BDH1: variants seen among roughly 807,000 people sequenced by gnomAD.
The protein encoded by BDH1 is D-beta-hydroxybutyrate dehydrogenase, mitochondrial.
In BDH1, 30 loss-of-function variants were observed where a neutral mutation model predicts 33.1. That is an observed-to-expected ratio of 0.91 (90% CI 0.68 to 1.23). The LOEUF (loss-of-function observed/expected upper bound fraction) is 1.23. BDH1 is among the 50% of genes most tolerant of loss of function. The pLI, the probability that BDH1 is intolerant of heterozygous loss-of-function variation, is 0.00. For synonymous variants in BDH1, 190 were observed against 183.6 expected (o/e 1.03, Z -0.28); for missense variants, 443 against 464.4 (o/e 0.95, Z 0.42).
Position 197,514,389 on chromosome 3 carries a change from C to T in BDH1, c.437G>A (p.Gly146Asp). 1 of 1,611,538 alleles carries T rather than the reference C, an allele frequency of 6.2e-7. No individual in the cohort carries two copies. The highest frequency in any genetic ancestry group is 8.5e-7 in the Non-Finnish European group (1 of 1,178,684). Reference sequence around the variant, plus strand: ...CTCCACCTCCCCGAACGTTGAGATGCCGGCATTGTTAACGAGGCCCCACAT... The same window carrying T: ...CTCCACCTCCCCGAACGTTGAGATGTCGGCATTGTTAACGAGGCCCCACAT... ...KGMWGLVNNA[G>D]ISTFGEVEFT... is the part of the protein sequence containing the mutation. The change falls in exon 7 of 8, where the codon GGC becomes GAC. Residue 146 changes from glycine (G) to aspartate (D), a missense_variant. Coordinates refer to ENST00000392379, the MANE Select transcript of BDH1 (RefSeq NM_203314.3). The surrounding 1 kb of genome is among the most constrained non-coding windows in gnomAD (Gnocchi z 4.2).
In BDH1 at chr3:197,514,924, T is replaced by G. The variant is rs1040671846; in HGVS notation, c.410-508A>C. On this transcript the variant is annotated intron_variant, in intron 6 of 7. Coordinates refer to ENST00000392379, the MANE Select transcript of BDH1 (RefSeq NM_203314.3). This position sits in a 1 kb window ranked among gnomAD's most constrained non-coding sequence, Gnocchi z 4.2. Reference sequence around the variant, plus strand: ...TGCAGGGACCTCTCTGAGTTCAGTTTGTTGGGGTGCAAAGGCTGGATGGGT... The same window carrying G: ...TGCAGGGACCTCTCTGAGTTCAGTTGGTTGGGGTGCAAAGGCTGGATGGGT... 1.3e-5 allele frequency among the ~76,000 whole-genome samples: 2 copies of G among 152,176 alleles called. No individual in the cohort carries two copies. Among genetic ancestry groups the G allele is most frequent in the African/African-American group, 4.8e-5 (2 of 41,436 alleles).
rs1714116196 is a variant in BDH1, at chr3:197,526,559, C to T, written c.268-3778G>A. On this transcript the variant is annotated intron_variant, in intron 5 of 7. Coordinates refer to ENST00000392379, the MANE Select transcript of BDH1 (RefSeq NM_203314.3). The surrounding 1 kb of genome is among the most constrained non-coding windows in gnomAD (Gnocchi z 4.7). ...GGGCAGCGTGCCTCCCCCAGCCGGGCATCTGCTCCCTCAGCCCCTGGCCTC... is the reference window on the plus strand; with the variant it reads ...GGGCAGCGTGCCTCCCCCAGCCGGGTATCTGCTCCCTCAGCCCCTGGCCTC... 1.3e-5 allele frequency among the ~76,000 whole-genome samples: 2 copies of T among 152,206 alleles called. No homozygotes were observed. Among genetic ancestry groups the T allele is most frequent in the Non-Finnish European group, 2.9e-5 (2 of 68,028 alleles).
intron 1 of BDH1, among the ~76,000 whole-genome samples, chr3:197,567,629 T>G (rs921938290): frequency 6.6e-6 from 1 of 152,172 alleles, no homozygotes; most frequent in Non-Finnish European, 1.5e-5. Context: ...TCAGGACCGC[T>G]TGAGGCAGTG....
intron 5 of BDH1, chr3:197,529,203 A>G (rs1437666948): frequency 6.6e-6 from 1 of 152,208 alleles, no homozygotes; most frequent in Admixed American, 6.5e-5. Flanking sequence ...CACCTTTGCA[A>G]CTTGCACTTT....
intron 3 of BDH1, among the ~76,000 whole-genome samples, chr3:197,544,311 C>T (rs1426407808): frequency 6.6e-6 from 1 of 152,222 alleles, no homozygotes; most frequent in African/African-American, 2.4e-5. Flanking sequence ...AGTTACTTCT[C>T]AGTCCATCCA....
In BDH1 at chr3:197,520,976, C is replaced by T. The variant is rs1274765634; in HGVS notation, c.409+1664G>A. On this transcript the variant is annotated intron_variant, in intron 6 of 7. Transcript: ENST00000392379. The surrounding 1 kb of genome is among the most constrained non-coding windows in gnomAD (Gnocchi z 6.0). ...GGCACATCAGAGACAGGCAGAGGAG[C>T]GGCATCACCGACAGCCACACACGCA... Among the ~76,000 whole-genome samples the T allele has an allele frequency of 6.6e-6, 1 of 152,020 alleles. No individual in the cohort carries two copies. The highest frequency in any genetic ancestry group is 1.5e-5 in the Non-Finnish European group (1 of 67,988).
intron 1 of BDH1, among the ~76,000 whole-genome samples, chr3:197,562,912 G>C (rs766998101): frequency 7.9e-5 from 12 of 152,148 alleles, no homozygotes; most frequent in Non-Finnish European, 1.8e-4. Context: ...TGAGGAAAAA[G>C]AGCCCTAAGG....
intron 1 of BDH1, among the ~76,000 whole-genome samples, chr3:197,571,112 G>A (rs146156880): frequency 6.6e-6 from 1 of 152,308 alleles, no homozygotes; most frequent in South Asian, 2.1e-4. Flanking sequence ...GCTGGATTTT[G>A]GACTTTCATG....
intron 1 of BDH1, among the ~76,000 whole-genome samples, chr3:197,572,619 C>T (rs1158295056): frequency 3.3e-5 from 5 of 152,190 alleles, no homozygotes; most frequent in Non-Finnish European, 5.9e-5. Context: ...TGACTATAGT[C>T]CCAGCTACTC....
At position 197,510,224 on chromosome 3, in the gene BDH1, C is replaced by G. The variant is rs1225389270; in HGVS notation, c.*1671G>C. ...GCTTCTTTGTTCCCGGTTTCCGAAG[C>G]GCGAATCCCGAACGCCGTGAGAAAC... is the stretch of plus-strand genomic sequence containing the variant. On this transcript the variant is annotated 3_prime_UTR_variant, in exon 8 of 8. Transcript: ENST00000392379. 2 of 152,310 alleles carry G rather than the reference C, an allele frequency of 1.3e-5. No homozygotes were observed. The highest frequency in any genetic ancestry group is 3.8e-4 in the East Asian group (2 of 5,200). The allele number at this position is 152,310 out of a possible 1,614,324, so 9.4% of individuals were successfully genotyped here.
intron 1 of BDH1, among the ~76,000 whole-genome samples, chr3:197,567,473 A>C (rs546675410): frequency 6.6e-6 from 1 of 152,168 alleles, no homozygotes; most frequent in Non-Finnish European, 1.5e-5. Context: ...GTGACCTGGA[A>C]GCCCCCTCCC....
intron 2 of BDH1, among the ~76,000 whole-genome samples, chr3:197,546,776 G>A (rs1716114896): frequency 6.6e-6 from 1 of 152,186 alleles, no homozygotes; most frequent in African/African-American, 2.4e-5. Context: ...ATGTGAGCAG[G>A]TTGGCCCAGA....
intron 1 of BDH1, among the ~76,000 whole-genome samples, chr3:197,563,491 T>C (rs1033477826): frequency 1.3e-5 from 2 of 152,246 alleles, no homozygotes; most frequent in Non-Finnish European, 2.9e-5. Flanking sequence ...GTCTCTGTTA[T>C]AATTTTGCAA....
chr3:197,546,583 C>T (rs1425586161), intron 2 of BDH1, 97 bp from the exon 3 acceptor site: 11 of 781,132 alleles, frequency 1.4e-5, no homozygotes, highest in Non-Finnish European at 2.3e-5. Flanking sequence ...TCAAACTGGG[C>T]TGCATCTGTT....
chr3:197,548,491 T>C (rs767337051), intron 2 of BDH1, among the ~76,000 whole-genome samples: 6 of 152,248 alleles, frequency 3.9e-5, no homozygotes, highest in Admixed American at 2.0e-4. Flanking sequence ...TGCTTTCCAT[T>C]TTGTTTTCCT....
At chr3:197,546,519 G>C in intron 2 of BDH1, 33 bp from the exon 3 acceptor site, 2 of 1,446,904 alleles carry the variant, frequency 1.4e-6, no homozygotes, top group African/African-American at 1.4e-5. Flanking sequence ...GCATTACTTT[G>C]TTGCCTTCCG....
intron 2 of BDH1, among the ~76,000 whole-genome samples, chr3:197,552,320 C>G (rs1716644920): frequency 6.6e-6 from 1 of 152,182 alleles, no homozygotes; most frequent in South Asian, 2.1e-4. Flanking sequence ...TTGCAGTAGC[C>G]TCCCAACTAG....
rs1459754691 is a variant in BDH1, at chr3:197,523,825, G to C, written c.268-1044C>G. 1.3e-5 allele frequency among the ~76,000 whole-genome samples: 2 copies of C among 152,172 alleles called. No individual in the cohort carries two copies. Among genetic ancestry groups the C allele is most frequent in the African/African-American group, 4.8e-5 (2 of 41,424 alleles). On this transcript the variant is annotated intron_variant, in intron 5 of 7. Transcript: ENST00000392379. The surrounding 1 kb of genome is among the most constrained non-coding windows in gnomAD (Gnocchi z 4.5). The stretch of plus-strand genomic sequence containing the variant: ...GACATTCACAAGAGGGGGCCGATGG[G>C]GACGGGGCACTGTGGGAAGAGATAA...
At chr3:197,517,175 G>A (rs867414626) in intron 6 of BDH1, among the ~76,000 whole-genome samples, 8 of 151,758 alleles carry the variant, frequency 5.3e-5, no homozygotes, top group African/African-American at 1.2e-4. Context: ...CTCCACCTCC[G>A]TCTTCACCCC....
Sources: allele counts gnomAD v4.1 joint callset (sites outside exome capture counted in the v4.1 genomes callset), GRCh38; gene constraint gnomAD v4.1.1; non-coding constraint Gnocchi (gnomAD v3.1); transcripts MANE v1.5; gene names NCBI Gene and HGNC (gene_info 2026-07-23, HGNC 2026-07-21).